The following CACNA2D3 variants were observed in gnomAD, a reference collection of about 807,000 sequenced individuals.
The protein encoded by CACNA2D3 is voltage-dependent calcium channel subunit alpha-2/delta-3.
A neutral mutation model predicts 160.6 loss-of-function variants in CACNA2D3; 60 were observed. The observed-to-expected ratio is 0.37, with a 90% CI of 0.30 to 0.46. The LOEUF (loss-of-function observed/expected upper bound fraction) is 0.46, where lower values mean the gene tolerates loss of function less well. Ranked by LOEUF, CACNA2D3 falls within the 20% of genes least tolerant of loss-of-function variation. The probability of loss-of-function intolerance (pLI) is 1.00; values close to 1 mark genes in which losing one functional copy is unlikely to be tolerated. For missense variants in CACNA2D3, 1,205 were observed against 1,365.0 expected, an observed-to-expected ratio of 0.88 and a Z score of 1.85; for synonymous variants, 558 against 492.9, an observed-to-expected ratio of 1.13 and a Z score of -1.75.
chr3:54,837,179 C>G lies in CACNA2D3; in HGVS notation c.1419C>G (p.Pro473=), dbSNP rs373771779. The change falls in exon 15 of 38, where the codon CCC becomes CCG. Residue 473 remains proline (P), a synonymous_variant. Coordinates refer to ENST00000474759, the MANE Select transcript of CACNA2D3 (RefSeq NM_018398.3). Reference sequence around the variant, plus strand: ...TCCAGCTGACTGATGATCAGGGCCCCGTCCTGATGACCACTGTAGCCATGC... The same window carrying G: ...TCCAGCTGACTGATGATCAGGGCCCGGTCCTGATGACCACTGTAGCCATGC... ...QAQKLTDDQG[P]VLMTTVAMPV... 6.2e-7 allele frequency: 1 copy of G among 1,613,866 alleles called. No homozygotes were observed. The highest frequency in any genetic ancestry group is 8.5e-7 in the Non-Finnish European group (1 of 1,179,802).
intron 11 of CACNA2D3, among the ~76,000 whole-genome samples, chr3:54,646,815 G>C (rs888581281): frequency 6.6e-6 from 1 of 152,134 alleles, no homozygotes; most frequent in African/African-American, 2.4e-5. Context: ...TGCCTCTCTA[G>C]CTCCTTGAGG....
chr3:54,955,598 T>C (rs1701867625), intron 27 of CACNA2D3, among the ~76,000 whole-genome samples: 1 of 152,172 alleles, frequency 6.6e-6, no homozygotes, highest in Non-Finnish European at 1.5e-5. Context: ...TCTATCAGCA[T>C]GTCAAAGCTC....
At chr3:54,239,365 A>G (rs1701937344) in intron 2 of CACNA2D3, among the ~76,000 whole-genome samples, 1 of 152,092 alleles carries the variant, frequency 6.6e-6, no homozygotes, top group Non-Finnish European at 1.5e-5. Flanking sequence ...GTGTAGAGCA[A>G]TGAGCCTAAC....
intron 3 of CACNA2D3, among the ~76,000 whole-genome samples, chr3:54,325,902 G>T (rs1189564163): frequency 6.6e-6 from 1 of 152,088 alleles, no homozygotes; most frequent in African/African-American, 2.4e-5. Context: ...TTGATAAAAT[G>T]ATAAATCAGG....
intron 11 of CACNA2D3, among the ~76,000 whole-genome samples, chr3:54,706,300 A>G (rs1169930347): frequency 6.6e-6 from 1 of 152,198 alleles, no homozygotes; most frequent in Non-Finnish European, 1.5e-5. Context: ...AGGTTAGCCT[A>G]GGGGCTTTAT....
chr3:54,649,040 A>G (rs1474801103), intron 11 of CACNA2D3, among the ~76,000 whole-genome samples: 1 of 152,200 alleles, frequency 6.6e-6, no homozygotes, highest in Non-Finnish European at 1.5e-5. Flanking sequence ...TCCAAACTAT[A>G]TCAGTTACAC....
At position 54,838,679 on chromosome 3, in the gene CACNA2D3, G is replaced by A. The variant is rs368606555; in HGVS notation, c.1551+31G>A. The A allele has an allele frequency of 1.8e-5, 27 of 1,477,390 alleles. No homozygotes were observed. In the African/African-American group the frequency reaches 2.6e-4, roughly 14 times the overall value. 91.5% of individuals were successfully genotyped at this position (1,477,390 alleles called of 1,614,324 possible). On this transcript the variant is annotated intron_variant, in intron 16 of 37. Coordinates refer to ENST00000474759, the MANE Select transcript of CACNA2D3 (RefSeq NM_018398.3). ...GAATGACCTAATCCCTGAAATCAAA[G>A]CAACAGAGATGCCCAGAGCCTTGTT... is the stretch of plus-strand genomic sequence containing the variant.
chr3:54,927,865 C>G (rs765586284), intron 27 of CACNA2D3: 2 of 1,611,758 alleles, frequency 1.2e-6, no homozygotes, highest in South Asian at 2.2e-5. Context: ...ATCTTTCTCC[C>G]AGACAAGAAC....
chr3:55,001,857 G>A (rs1232135092), intron 31 of CACNA2D3, among the ~76,000 whole-genome samples: 1 of 152,144 alleles, frequency 6.6e-6, no homozygotes, highest in Non-Finnish European at 1.5e-5. Context: ...CCAGCAAGCT[G>A]CTCAAGAATG....
intron 11 of CACNA2D3, among the ~76,000 whole-genome samples, chr3:54,726,716 GAA>G (rs1221147682): frequency 6.6e-6 from 1 of 152,176 alleles, no homozygotes; most frequent in Non-Finnish European, 1.5e-5. Flanking sequence ...GCCATATGCA[GAA>G]AACTGAAACT....
intron 4 of CACNA2D3, among the ~76,000 whole-genome samples, chr3:54,404,619 G>A (rs1332866154): frequency 2.0e-5 from 3 of 152,100 alleles, no homozygotes; most frequent in Non-Finnish European, 4.4e-5. Context: ...CATAGTACTG[G>A]AAGTATTAGC....
intron 2 of CACNA2D3, among the ~76,000 whole-genome samples, chr3:54,134,517 C>T (rs948249146): frequency 1.3e-5 from 2 of 152,142 alleles, no homozygotes; most frequent in African/African-American, 2.4e-5. Flanking sequence ...ATAAGAGCAC[C>T]GTAGAGCACA....
chr3:54,717,098 A>T (rs1440599118), intron 11 of CACNA2D3, among the ~76,000 whole-genome samples: 5 of 152,018 alleles, frequency 3.3e-5, no homozygotes, highest in African/African-American at 1.2e-4. Flanking sequence ...CTTATGTAAC[A>T]TACTCTCTGG....
rs576274958 is a variant in CACNA2D3, at chr3:54,418,863, C to T, written c.381+32089C>T. Among the ~76,000 whole-genome samples, 11 of 152,272 alleles carry T rather than the reference C, an allele frequency of 7.2e-5. No homozygotes were observed. The South Asian group carries it at 1.5e-3, about 20-fold the overall frequency. On this transcript the variant is annotated intron_variant, in intron 4 of 37. Coordinates refer to ENST00000474759, the MANE Select transcript of CACNA2D3 (RefSeq NM_018398.3). ...TATTATTGTCGTTATTATTTTGCCC[C>T]ATACCCTTGAAATACAAAGATGTTG...
At chr3:54,310,581 C>T (rs1196012315) in intron 2 of CACNA2D3, among the ~76,000 whole-genome samples, 2 of 151,972 alleles carry the variant, frequency 1.3e-5, no homozygotes, top group African/African-American at 2.4e-5. Context: ...TTGAAGAGTC[C>T]TTGGAGCCTT....
chr3:54,464,408 G>C (rs569975869), intron 4 of CACNA2D3, among the ~76,000 whole-genome samples: 218 of 152,344 alleles, frequency 1.4e-3, no homozygotes, highest in African/African-American at 5.1e-3. Flanking sequence ...AGGCCTCCTT[G>C]AGCTGTGGTG....
intron 17 of CACNA2D3, among the ~76,000 whole-genome samples, chr3:54,847,913 G>T (rs1698970262): frequency 6.6e-6 from 1 of 152,154 alleles, no homozygotes; most frequent in South Asian, 2.1e-4. Flanking sequence ...TTCCAAATTG[G>T]AAAGGAACAG....
chr3:54,845,817 A>G (rs1378513171), intron 16 of CACNA2D3, among the ~76,000 whole-genome samples: 1 of 152,244 alleles, frequency 6.6e-6, no homozygotes, highest in Non-Finnish European at 1.5e-5. Context: ...CTAGGCAGCC[A>G]CACAATTTGA....
At chr3:54,660,060 C>T (rs962340359) in intron 11 of CACNA2D3, among the ~76,000 whole-genome samples, 6 of 152,144 alleles carry the variant, frequency 3.9e-5, no homozygotes, top group Non-Finnish European at 5.9e-5. Context: ...CAACTCAAAA[C>T]CTGACCGTGA....
Sources: allele counts gnomAD v4.1 joint callset (sites outside exome capture counted in the v4.1 genomes callset), GRCh38; gene constraint gnomAD v4.1.1; transcripts MANE v1.5; gene names NCBI Gene and HGNC (gene_info 2026-07-23, HGNC 2026-07-21).